Variants in RBMS3 observed in about 807,000 individuals in gnomAD.
The protein encoded by RBMS3 is RNA binding motif single stranded interacting protein 3.
RBMS3 carries 27 observed loss-of-function variants against 66.8 expected under a neutral mutation model. The observed-to-expected ratio is 0.40, with a 90% confidence interval of 0.30 to 0.56. The LOEUF (loss-of-function observed/expected upper bound fraction) is 0.56, where lower values mean the gene tolerates loss of function less well. RBMS3 is among the 20% of genes least tolerant of loss of function. The pLI, the probability that RBMS3 is intolerant of heterozygous loss-of-function variation, is 0.40. For synonymous variants in RBMS3, 188 were observed against 183.0 expected (o/e 1.03, Z -0.22); for missense variants, 513 against 549.5 (o/e 0.93, Z 0.66).
At chr3:29,893,250 G>A (rs1303854455) in intron 8 of RBMS3, among the ~76,000 whole-genome samples, 1 of 151,462 alleles carries the variant, frequency 6.6e-6, no homozygotes, top group Non-Finnish European at 1.5e-5. Context: ...TTGATGGATA[G>A]GATTAGAGCA....
rs957959952 is a variant in RBMS3 at position 29,322,857 on chromosome 3, A to G, written c.75+41101A>G. On this transcript the variant is annotated intron_variant, in intron 1 of 14. Coordinates refer to ENST00000383767, the MANE Select transcript of RBMS3 (RefSeq NM_001003793.3). Reference sequence around the variant, plus strand: ...AGCACCTCTTAGCCGTTCAATGAATAGTATGGAGAATTCGAAGGGCTGCTT... The same window carrying G: ...AGCACCTCTTAGCCGTTCAATGAATGGTATGGAGAATTCGAAGGGCTGCTT... 2.6e-5 allele frequency among the ~76,000 whole-genome samples: 4 copies of G among 152,160 alleles called. No homozygotes were observed. In the East Asian group the frequency reaches 5.8e-4, roughly 22 times the overall value.
intron 4 of RBMS3, among the ~76,000 whole-genome samples, chr3:29,636,496 G>A (rs945683656): frequency 6.6e-6 from 1 of 151,936 alleles, no homozygotes; most frequent in Non-Finnish European, 1.5e-5. Flanking sequence ...GGGGAGGGTG[G>A]AAGGCTGGTA....
At chr3:29,990,378 C>T (rs1308332994) in intron 13 of RBMS3, among the ~76,000 whole-genome samples, 1 of 143,714 alleles carries the variant, frequency 7.0e-6, no homozygotes, top group African/African-American at 2.5e-5. Context: ...AATAAAATCA[C>T]CTATGCCTCT....
chr3:29,450,092 C>G (rs559951337), intron 2 of RBMS3, among the ~76,000 whole-genome samples: 30 of 152,146 alleles, frequency 2.0e-4, no homozygotes, highest in Admixed American at 1.3e-4. Context: ...CAAACTACAG[C>G]GGGCCTAATG....
chr3:29,311,679 C>T (rs978640561), intron 1 of RBMS3, among the ~76,000 whole-genome samples: 3 of 151,686 alleles, frequency 2.0e-5, no homozygotes, highest in African/African-American at 7.3e-5. Flanking sequence ...GAGTAATAGG[C>T]GTAAGAGCAT....
At chr3:29,782,841 TA>T (rs2056685497) in intron 6 of RBMS3, among the ~76,000 whole-genome samples, 1 of 151,812 alleles carries the variant, frequency 6.6e-6, no homozygotes, top group African/African-American at 2.4e-5. Context: ...TAAAAACCAA[TA>T]ACAAATTCTG....
At chr3:29,781,819 G>C (rs2056640492) in intron 6 of RBMS3, among the ~76,000 whole-genome samples, 1 of 151,900 alleles carries the variant, frequency 6.6e-6, no homozygotes, top group African/African-American at 2.4e-5. Flanking sequence ...CTGGCCTTTA[G>C]TACCGTGGGC....
intron 12 of RBMS3, among the ~76,000 whole-genome samples, chr3:29,986,537 A>G (rs1035278615): frequency 3.3e-5 from 5 of 152,212 alleles, no homozygotes; most frequent in Non-Finnish European, 5.9e-5. Flanking sequence ...TATATTGTAA[A>G]AAGGGCTAAA....
At chr3:29,378,654 A>T (rs2038611047) in intron 1 of RBMS3, among the ~76,000 whole-genome samples, 1 of 152,172 alleles carries the variant, frequency 6.6e-6, no homozygotes, top group East Asian at 1.9e-4. Context: ...GTAAAGGTAA[A>T]CATCCAAGTG....
chr3:29,864,961 AAAGGAAGGAAGGGAGGGAGGGAGG>A (rs1241635338), intron 6 of RBMS3, among the ~76,000 whole-genome samples: 1 of 96,184 alleles, frequency 1.0e-5, no homozygotes, highest in African/African-American at 4.3e-5. Context: ...AGGAAGGAAG[AAAGGAAGGAAGGGAGGGAGGGAGG>A]AAGGAAGGAA....
intron 4 of RBMS3, among the ~76,000 whole-genome samples, chr3:29,601,389 G>A (rs2048138591): frequency 6.6e-6 from 1 of 151,890 alleles, no homozygotes; most frequent in South Asian, 2.1e-4. Context: ...TATTTAGTAA[G>A]CTGTTAGGTT....
rs1285140807 is a variant in RBMS3 at position 29,670,816 on chromosome 3, C to A, written c.400-68904C>A. Among the ~76,000 whole-genome samples the A allele has an allele frequency of 2.0e-5, 3 of 152,276 alleles. No individual in the cohort carries two copies. The South Asian group carries it at 6.2e-4, about 32-fold the overall frequency. ...GCCTGCCTGCCTTTGTAGACTCCAC[C>A]TCTGGGGGCAGGGCATAGCTGAACA... On this transcript the variant is annotated intron_variant, in intron 4 of 14. Transcript: ENST00000383767.
chr3:29,739,862 G>A lies in RBMS3; in HGVS notation c.542G>A (p.Gly181Asp). The A allele has an allele frequency of 1.3e-6, 2 of 1,585,514 alleles. No individual in the cohort carries two copies. The highest frequency in any genetic ancestry group is 1.7e-6 in the Non-Finnish European group (2 of 1,169,338). Reference sequence around the variant, plus strand: ...AGAGACGCTAATGGAGTCAGCAGAGGTGTTGGCTTTGCCAGGTAAAATTCT... The same window carrying A: ...AGAGACGCTAATGGAGTCAGCAGAGATGTTGGCTTTGCCAGGTAAAATTCT... ...ILRDANGVSRGVGFARMESTE... is the reference protein window; with the variant it reads ...ILRDANGVSRDVGFARMESTE... Residue 181 changes from glycine to aspartate, a missense_variant, in exon 5 of 15, where the codon GGT becomes GAT. By Grantham distance (94) the Gly-to-Asp change is moderately conservative. Transcript: ENST00000383767.
At chr3:29,838,881 G>A (rs771025591) in intron 6 of RBMS3, among the ~76,000 whole-genome samples, 2 of 152,092 alleles carry the variant, frequency 1.3e-5, no homozygotes, top group Admixed American at 6.6e-5. Context: ...TTGGGTCACC[G>A]TTAGGTAGCT....
chr3:29,640,444 A>G (rs1165868589), intron 4 of RBMS3, among the ~76,000 whole-genome samples: 4 of 151,924 alleles, frequency 2.6e-5, no homozygotes, highest in Non-Finnish European at 5.9e-5. Flanking sequence ...TCTAAATTTA[A>G]CAGAAGATAA....
At chr3:29,714,898 C>T (rs1165197850) in intron 4 of RBMS3, among the ~76,000 whole-genome samples, 1 of 152,100 alleles carries the variant, frequency 6.6e-6, no homozygotes, top group Non-Finnish European at 1.5e-5. Flanking sequence ...GAATCTTTTT[C>T]TCCTGGGCCT....
intron 4 of RBMS3, among the ~76,000 whole-genome samples, chr3:29,691,504 G>A (rs898871769): frequency 6.6e-6 from 1 of 152,126 alleles, no homozygotes; most frequent in Non-Finnish European, 1.5e-5. Flanking sequence ...CATCAATAAA[G>A]TGGTTCTTTG....
At chr3:29,667,851 AAAAT>A (rs1404385840) in intron 4 of RBMS3, among the ~76,000 whole-genome samples, 1 of 152,174 alleles carries the variant, frequency 6.6e-6, no homozygotes, top group Non-Finnish European at 1.5e-5. Context: ...GTCAGGATGA[AAAAT>A]CATATTCATG....
chr3:29,704,883 A>C (rs1384341624), intron 4 of RBMS3, among the ~76,000 whole-genome samples: 2 of 152,260 alleles, frequency 1.3e-5, no homozygotes, highest in African/African-American at 2.4e-5. Context: ...AGAAAAGCCA[A>C]CATGGCATTT....
Sources: allele counts gnomAD v4.1 joint callset (sites outside exome capture counted in the v4.1 genomes callset), GRCh38; gene constraint gnomAD v4.1.1; transcripts MANE v1.5; gene names NCBI Gene and HGNC (gene_info 2026-07-23, HGNC 2026-07-21).